The following MYT1L variants were observed in gnomAD, a reference collection of about 807,000 sequenced individuals.
The protein encoded by MYT1L is myelin transcription factor 1 like.
Under a neutral mutation model 126.7 loss-of-function variants are expected in MYT1L, and 12 were observed. The observed-to-expected ratio is 0.09, with a 90% CI of 0.06 to 0.15. The LOEUF is 0.15. MYT1L is among the 10% of genes least tolerant of loss of function. The probability of loss-of-function intolerance (pLI) is 1.00; values close to 1 mark genes in which losing one functional copy is unlikely to be tolerated. For synonymous variants in MYT1L, 541 were observed against 604.2 expected, an observed-to-expected ratio of 0.90 and a Z score of 1.53; for missense variants, 979 against 1,585.2, an observed-to-expected ratio of 0.62 and a Z score of 6.49.
intron 3 of MYT1L, among the ~76,000 whole-genome samples, chr2:2,164,069 A>G (rs1331041890): frequency 6.6e-6 from 1 of 152,188 alleles, no homozygotes; most frequent in Non-Finnish European, 1.5e-5. Context: ...TTAATTTCTT[A>G]TGGATATTAA....
chr2:1,940,307 T>A (rs1030484213), intron 9 of MYT1L, among the ~76,000 whole-genome samples: 1 of 148,766 alleles, frequency 6.7e-6, no homozygotes, highest in Non-Finnish European at 1.5e-5. Flanking sequence ...CCTGCCAGGA[T>A]GCTCAGTAAA....
chr2:1,815,302 C>A (rs2037448241), intron 21 of MYT1L, among the ~76,000 whole-genome samples: 1 of 152,206 alleles, frequency 6.6e-6, no homozygotes, highest in African/African-American at 2.4e-5. Context: ...GTCTCTGCCA[C>A]CTTCGCTGAG....
At chr2:2,203,029 T>C (rs1220290566) in intron 2 of MYT1L, among the ~76,000 whole-genome samples, 1 of 150,592 alleles carries the variant, frequency 6.6e-6, no homozygotes, top group African/African-American at 2.5e-5. Context: ...AACCACATGA[T>C]TATCTCAATA....
intron 2 of MYT1L, 110 bp from the exon 3 acceptor site, chr2:2,173,098 T>C (rs902973441): frequency 2.6e-5 from 4 of 152,254 alleles, no homozygotes; most frequent in African/African-American, 7.2e-5. Context: ...CATTTCAAGA[T>C]AGGTAACTGC....
intron 3 of MYT1L, among the ~76,000 whole-genome samples, chr2:2,135,135 G>C (rs529022580): frequency 1.2e-3 from 183 of 152,218 alleles, no homozygotes; most frequent in African/African-American, 4.1e-3. Context: ...ATATGGTTTG[G>C]CTGTGTCCCC....
intron 22 of MYT1L, among the ~76,000 whole-genome samples, chr2:1,804,985 T>C (rs113901947): frequency 0.044 from 6,729 of 152,206 alleles, 201 homozygotes; most frequent in South Asian, 0.1. Context: ...CCACTGATGG[T>C]ACAACTTCAG....
chr2:2,053,135 T>C (rs1304082224), intron 4 of MYT1L, among the ~76,000 whole-genome samples: 2 of 152,198 alleles, frequency 1.3e-5, no homozygotes, highest in East Asian at 1.9e-4. Context: ...GAGGGCATTA[T>C]GCTAAGTGAA....
chr2:1,896,035 A>T (rs1359964481), intron 14 of MYT1L, among the ~76,000 whole-genome samples: 1 of 152,222 alleles, frequency 6.6e-6, no homozygotes, highest in African/African-American at 2.4e-5. Context: ...AAGAACATGA[A>T]CAGACACTTC....
At chr2:1,986,203 T>TA (rs1246777050) in intron 5 of MYT1L, among the ~76,000 whole-genome samples, 2 of 152,192 alleles carry the variant, frequency 1.3e-5, no homozygotes, top group Non-Finnish European at 2.9e-5. Context: ...ATTACAGTTT[T>TA]AAAAAATTCT....
At chr2:1,862,491 T>C (rs1206466364) in intron 18 of MYT1L, among the ~76,000 whole-genome samples, 2 of 152,198 alleles carry the variant, frequency 1.3e-5, no homozygotes, top group Non-Finnish European at 2.9e-5. Context: ...GGTGAGTTCA[T>C]TTGTTTTTAA....
chr2:2,184,121 T>C (rs888762230), intron 2 of MYT1L, among the ~76,000 whole-genome samples: 1 of 151,348 alleles, frequency 6.6e-6, no homozygotes, highest in Non-Finnish European at 1.5e-5. Flanking sequence ...AGGAGGTAGA[T>C]GGCTTGAATA....
chr2:1,887,587 T>G lies in MYT1L; in HGVS notation c.2543A>C (p.Gln848Pro). 2 of 1,614,000 alleles carry G rather than the reference T, an allele frequency of 1.2e-6. No individual in the cohort carries two copies. Among genetic ancestry groups the G allele is most frequent in the Non-Finnish European group, 8.5e-7 (1 of 1,179,888 alleles). The change falls in exon 17 of 25, where the codon CAG becomes CCG. Residue 848 changes from glutamine to proline, a missense_variant. This residue lies in a region of MYT1L where 141 missense variants were observed against 170.6 expected (regional missense o/e 0.83). Transcript: ENST00000647738. This position sits in a 1 kb window ranked among gnomAD's most constrained non-coding sequence, Gnocchi z 4.8. ...DITPEDLDPF[Q>P]EALEERRYPG... ...ATACCGTCTTTCTTCTAGAGCCTCC[T>G]GGAATGGGTCCAAGTCTTCTGGCTG...
Position 1,979,392 on chromosome 2 carries a change from G to T in MYT1L, c.89+129C>A. ...GGCTTTTTACGAGCAAGTCTCGGGG[G>T]AATTAATTTCATCAGTGCAGCAGGG... On this transcript the variant is annotated intron_variant, in intron 7 of 24. Coordinates refer to ENST00000647738, the MANE Select transcript of MYT1L (RefSeq NM_001303052.2). This position sits in a 1 kb window ranked among gnomAD's most constrained non-coding sequence, Gnocchi z 4.0. 1 of 1,134,882 alleles carries T rather than the reference G, an allele frequency of 8.8e-7. No individual in the cohort carries two copies. Among genetic ancestry groups the T allele is most frequent in the Non-Finnish European group, 1.3e-6 (1 of 752,808 alleles). 70.3% of individuals were successfully genotyped at this position (1,134,882 alleles called of 1,614,324 possible). A position where few individuals can be genotyped will look rare whatever the true frequency, so the allele number is the denominator to read the frequency against.
chr2:1,977,625 CA>C (rs2060286979), intron 8 of MYT1L, among the ~76,000 whole-genome samples: 1 of 152,106 alleles, frequency 6.6e-6, no homozygotes. Context: ...ATGCCTGTAT[CA>C]AAATATCTCA....
At chr2:2,101,072 G>C (rs2078011288) in intron 3 of MYT1L, among the ~76,000 whole-genome samples, 1 of 152,140 alleles carries the variant, frequency 6.6e-6, no homozygotes, top group Non-Finnish European at 1.5e-5. Context: ...GGTTGCCTGA[G>C]CTTTGATTGA....
intron 2 of MYT1L, among the ~76,000 whole-genome samples, chr2:2,209,991 G>A (rs1398375611): frequency 6.6e-6 from 1 of 152,080 alleles, no homozygotes; most frequent in African/African-American, 2.4e-5. Flanking sequence ...TTTTAAGTGG[G>A]GTAAGATGAG....
intron 4 of MYT1L, among the ~76,000 whole-genome samples, chr2:2,037,812 A>C (rs1237977531): frequency 1.3e-5 from 2 of 151,686 alleles, no homozygotes; most frequent in African/African-American, 4.8e-5. Flanking sequence ...AACAAAAAAA[A>C]AACCCCCTAC....
intron 3 of MYT1L, among the ~76,000 whole-genome samples, chr2:2,124,495 C>T (rs935732486): frequency 2.0e-5 from 3 of 151,928 alleles, no homozygotes; most frequent in Non-Finnish European, 2.9e-5. Flanking sequence ...GGGGTTTCAC[C>T]ATGTTGCCCA....
At chr2:2,287,104 A>C (rs1204603781) in intron 1 of MYT1L, among the ~76,000 whole-genome samples, 1 of 152,122 alleles carries the variant, frequency 6.6e-6, no homozygotes, top group Non-Finnish European at 1.5e-5. Flanking sequence ...TAAAAATAGA[A>C]AATTAGCCAG....
Sources: gnomAD v4.1 joint callset for allele counts (sites outside exome capture counted in the v4.1 genomes callset) on GRCh38, gnomAD v4.1.1 for gene constraint, gnomAD v4.1.1 regional missense constraint, Gnocchi (gnomAD v3.1) non-coding constraint, MANE v1.5 for transcripts, NCBI Gene and HGNC (gene_info 2026-07-23, HGNC 2026-07-21) for gene names.